The following DENND1A variants were observed in gnomAD, a reference collection of about 807,000 sequenced individuals.
DENND1A encodes the protein DENN domain-containing protein 1A.
In DENND1A, 51 loss-of-function variants were observed where a neutral mutation model predicts 113.7. The ratio of observed to expected loss-of-function variants is 0.45; its 90% confidence interval spans 0.36 to 0.57. The LOEUF (loss-of-function observed/expected upper bound fraction) is 0.57, where lower values mean the gene tolerates loss of function less well. DENND1A is among the 20% of genes least tolerant of loss of function. DENND1A has a pLI of 0.00. For synonymous variants in DENND1A, 565 were observed against 570.8 expected, an observed-to-expected ratio of 0.99 and a Z score of 0.14; for missense variants, 1,258 against 1,395.9, an observed-to-expected ratio of 0.90 and a Z score of 1.57.
intron 13 of DENND1A, among the ~76,000 whole-genome samples, chr9:123,532,895 G>C (rs144477137): frequency 2.0e-5 from 3 of 152,260 alleles, no homozygotes; most frequent in African/African-American, 7.2e-5. Flanking sequence ...AACTAATAAG[G>C]CTGCAGGCCA....
At position 123,422,023 on chromosome 9, in the gene DENND1A, C is replaced by G. The variant is rs867336469; in HGVS notation, c.1489-10194G>C. On this transcript the variant is annotated intron_variant, in intron 19 of 23. Transcript: ENST00000394215. This position sits in a 1 kb window ranked among gnomAD's most constrained non-coding sequence, Gnocchi z 4.8. ...TGATGGATCCCTGCATCCCTCACGA[C>G]TCTGTTCCCTTCCCCCAGAAGTTCT... Among the ~76,000 whole-genome samples the G allele has an allele frequency of 7.9e-5, 12 of 152,330 alleles. No individual in the cohort carries two copies. The highest frequency in any genetic ancestry group is 6.8e-3 in the Middle Eastern group (2 of 294).
chr9:123,812,830 T>C (rs1590193419), intron 2 of DENND1A, among the ~76,000 whole-genome samples: 1 of 152,330 alleles, frequency 6.6e-6, no homozygotes, highest in Middle Eastern at 3.4e-3. Context: ...CTAAGCCTTG[T>C]AAAAATTTTC....
chr9:123,807,234 C>CTA (rs1835745727), intron 2 of DENND1A, among the ~76,000 whole-genome samples: 1 of 151,986 alleles, frequency 6.6e-6, no homozygotes. Flanking sequence ...TCTGAATTTT[C>CTA]TATATTTTTA....
At chr9:123,409,865 G>C (rs908949443) in intron 20 of DENND1A, among the ~76,000 whole-genome samples, 17 of 152,286 alleles carry the variant, frequency 1.1e-4, no homozygotes, top group African/African-American at 4.1e-4. Flanking sequence ...GCTGAGGCGG[G>C]CGGATCACAA....
intron 13 of DENND1A, among the ~76,000 whole-genome samples, chr9:123,529,146 A>C (rs1056251495): frequency 4.6e-5 from 7 of 152,238 alleles, no homozygotes; most frequent in African/African-American, 1.4e-4. Context: ...TAAACAAATG[A>C]ATGAATGACA....
chr9:123,604,329 C>G (rs2060055907), intron 11 of DENND1A, among the ~76,000 whole-genome samples: 1 of 152,204 alleles, frequency 6.6e-6, no homozygotes, highest in South Asian at 2.1e-4. Context: ...AGGCTAGGGT[C>G]AGCATCTCTC....
At position 123,433,163 on chromosome 9, in the gene DENND1A, T is replaced by G. The variant is rs1387467732; in HGVS notation, c.1488+7197A>C. Among the ~76,000 whole-genome samples, 13 of 152,200 alleles carry G rather than the reference T, an allele frequency of 8.5e-5. No homozygotes were observed. The East Asian group carries it at 2.1e-3, about 25-fold the overall frequency. The stretch of plus-strand genomic sequence containing the variant: ...AAGGCAATATCTCATTTAATCCTTA[T>G]AGCAACCTATGACGTGGACCCCTCT... On this transcript the variant is annotated intron_variant, in intron 19 of 23. Coordinates refer to ENST00000394215, the MANE Select transcript of DENND1A (RefSeq NM_001352964.2).
chr9:123,916,969 C>T (rs566453106), intron 1 of DENND1A, among the ~76,000 whole-genome samples: 2 of 152,060 alleles, frequency 1.3e-5, no homozygotes, highest in South Asian at 4.2e-4. Flanking sequence ...GTGGGCAGAT[C>T]ACTTGAGGTC....
chr9:123,607,545 A>T lies in DENND1A; in HGVS notation c.765+1891T>A, dbSNP rs113987886. On this transcript the variant is annotated intron_variant, in intron 11 of 23. Transcript: ENST00000394215. ...CAGAGAGAGAGAGAGAGAGAGAGAG[A>T]GAGTGTGTGTGTGTGTGTGTGTGTG... Among the ~76,000 whole-genome samples, 219 of 105,944 alleles carry T rather than the reference A, an allele frequency of 2.1e-3. 2 individuals are homozygous for T. Among genetic ancestry groups the T allele is most frequent in the African/African-American group, 5.8e-3 (170 of 29,272 alleles). The allele number at this position is 105,944 out of a possible 152,430, so 69.5% of individuals were successfully genotyped here. A position where few individuals can be genotyped will look rare whatever the true frequency, so the allele number is the denominator to read the frequency against.
chr9:123,801,750 A>G (rs1834704848), intron 2 of DENND1A, among the ~76,000 whole-genome samples: 6 of 152,218 alleles, frequency 3.9e-5, no homozygotes. Context: ...AACAGCCTAC[A>G]ATCCTTAGTG....
chr9:123,828,645 A>G (rs897813123), intron 2 of DENND1A, among the ~76,000 whole-genome samples: 5 of 151,932 alleles, frequency 3.3e-5, no homozygotes, highest in Admixed American at 6.5e-5. Context: ...TAGCCAAAAA[A>G]AAAAAAGAAA....
intron 1 of DENND1A, among the ~76,000 whole-genome samples, chr9:123,912,124 T>C (rs1439211625): frequency 6.6e-6 from 1 of 152,218 alleles, no homozygotes; most frequent in East Asian, 1.9e-4. Context: ...TCAAGTGGTA[T>C]CCTTAAAATC....
intron 21 of DENND1A, among the ~76,000 whole-genome samples, chr9:123,395,852 C>A (rs1022974665): frequency 6.6e-6 from 1 of 152,202 alleles, no homozygotes; most frequent in African/African-American, 2.4e-5. Context: ...GCAAGCCGCA[C>A]TCTGCCTTCA....
intron 1 of DENND1A, among the ~76,000 whole-genome samples, chr9:123,919,656 C>A (rs61048229): frequency 0.13 from 18,764 of 149,992 alleles, 1,718 homozygotes; most frequent in African/African-American, 0.26. Flanking sequence ...TGGAGGCAGG[C>A]AGATCACTTG....
intron 13 of DENND1A, among the ~76,000 whole-genome samples, chr9:123,506,401 G>A (rs1054015027): frequency 6.6e-6 from 1 of 151,932 alleles, no homozygotes; most frequent in Non-Finnish European, 1.5e-5. Context: ...GGGCAACATG[G>A]TGAAACCTTG....
chr9:123,813,627 T>C (rs1230186918), intron 2 of DENND1A, among the ~76,000 whole-genome samples: 1 of 152,142 alleles, frequency 6.6e-6, no homozygotes, highest in Admixed American at 6.5e-5. Flanking sequence ...TCGGCTTTAC[T>C]TAGACCCGAA....
chr9:123,825,727 A>G (rs757355767), intron 2 of DENND1A, among the ~76,000 whole-genome samples: 3 of 152,258 alleles, frequency 2.0e-5, no homozygotes, highest in Non-Finnish European at 4.4e-5. Context: ...TATCACATGT[A>G]AAGTTTCATC....
intron 13 of DENND1A, among the ~76,000 whole-genome samples, chr9:123,506,056 C>G (rs999750172): frequency 1.3e-5 from 2 of 152,082 alleles, no homozygotes; most frequent in Non-Finnish European, 2.9e-5. Flanking sequence ...AGAGCCCACA[C>G]AGTATGGTGA....
At chr9:123,639,101 AAGGACTGTTCCCTGT>A (rs2061884999) in intron 9 of DENND1A, among the ~76,000 whole-genome samples, 2 of 150,952 alleles carry the variant, frequency 1.3e-5, no homozygotes, top group Non-Finnish European at 3.0e-5. Flanking sequence ...GAAAAAGAAA[AAGGACTGTTCCCTGT>A]AGTTTTCTTT....
Sources: allele counts gnomAD v4.1 joint callset (sites outside exome capture counted in the v4.1 genomes callset), GRCh38; gene constraint gnomAD v4.1.1; non-coding constraint Gnocchi (gnomAD v3.1); transcripts MANE v1.5; gene names NCBI Gene and HGNC (gene_info 2026-07-23, HGNC 2026-07-21).